Variants in LARGE1 observed in about 807,000 individuals in gnomAD.
The protein encoded by LARGE1 is xylosyl- and glucuronyltransferase LARGE1.
LARGE1 carries 43 observed loss-of-function variants against 87.6 expected under a neutral mutation model. That is an observed-to-expected ratio of 0.49 (90% confidence interval 0.38 to 0.63). The LOEUF (loss-of-function observed/expected upper bound fraction) is 0.63. Ranked by LOEUF, LARGE1 falls within the 30% of genes least tolerant of loss-of-function variation. The pLI is 0.00. For missense variants in LARGE1, 802 were observed against 1,000.2 expected (o/e 0.80, Z 2.67); for synonymous variants, 434 against 394.6 (o/e 1.10, Z -1.18).
chr22:33,908,423 A>G (rs2065521254), intron 1 of LARGE1, among the ~76,000 whole-genome samples: 1 of 152,088 alleles, frequency 6.6e-6, no homozygotes, highest in Admixed American at 6.5e-5. Context: ...TCCCAGGCAG[A>G]TAAAGAAGGA....
At chr22:33,911,098 G>C (rs1284981800) in intron 1 of LARGE1, among the ~76,000 whole-genome samples, 2 of 152,202 alleles carry the variant, frequency 1.3e-5, no homozygotes, top group African/African-American at 2.4e-5. Flanking sequence ...GAATGAGAGA[G>C]TGCCTGGCAC....
intron 7 of LARGE1, among the ~76,000 whole-genome samples, chr22:33,410,576 C>A (rs953716921): frequency 6.6e-6 from 1 of 152,070 alleles, no homozygotes; most frequent in African/African-American, 2.4e-5. Context: ...CCTTCATCTC[C>A]CACCATGATT....
At chr22:33,750,361 C>G (rs2084266323) in intron 2 of LARGE1, among the ~76,000 whole-genome samples, 1 of 152,142 alleles carries the variant, frequency 6.6e-6, no homozygotes. Flanking sequence ...ATCATGACTT[C>G]TTATGTGCAA....
the LARGE1 span, among the ~76,000 whole-genome samples, chr22:33,148,423 C>T: frequency 7.3e-3 from 1,105 of 152,184 alleles, 9 homozygotes; most frequent in African/African-American, 0.023. Context: ...TTTTTTGTTG[C>T]TCAATAGTAG....
At chr22:33,585,556 G>C (rs1258624027) in intron 5 of LARGE1, among the ~76,000 whole-genome samples, 1 of 152,104 alleles carries the variant, frequency 6.6e-6, no homozygotes, top group Non-Finnish European at 1.5e-5. Context: ...CCCATCTACA[G>C]TCCTGTAGGC....
intron 9 of LARGE1, among the ~76,000 whole-genome samples, chr22:33,341,778 G>T (rs1939174204): frequency 6.6e-6 from 1 of 152,208 alleles, no homozygotes; most frequent in Admixed American, 6.5e-5. Context: ...CTTGGAACCT[G>T]TTTCCTCAAG....
chr22:33,847,322 TAC>T (rs2063463571), intron 1 of LARGE1, among the ~76,000 whole-genome samples: 1 of 152,232 alleles, frequency 6.6e-6, no homozygotes, highest in Admixed American at 6.5e-5. Flanking sequence ...CTGATTATTT[TAC>T]AGTGTCTTAT....
intron 11 of LARGE1, among the ~76,000 whole-genome samples, chr22:33,210,897 C>T (rs1019517198): frequency 6.6e-6 from 1 of 152,240 alleles, no homozygotes; most frequent in African/African-American, 2.4e-5. Flanking sequence ...TTGGCTCTGG[C>T]TGCCGTAACA....
At chr22:33,305,819 A>C (rs975520134) in intron 11 of LARGE1, among the ~76,000 whole-genome samples, 6 of 150,270 alleles carry the variant, frequency 4.0e-5, no homozygotes, top group Non-Finnish European at 8.9e-5. Context: ...AACCAAATTG[A>C]CCAGAAACAT....
At chr22:33,891,641 C>T (rs2065009813) in intron 1 of LARGE1, among the ~76,000 whole-genome samples, 1 of 152,152 alleles carries the variant, frequency 6.6e-6, no homozygotes, top group Non-Finnish European at 1.5e-5. Context: ...GAGATCATAC[C>T]TATAAAATGC....
At chr22:33,265,689 G>A (rs1264411853) in intron 11 of LARGE1, among the ~76,000 whole-genome samples, 1 of 151,940 alleles carries the variant, frequency 6.6e-6, no homozygotes, top group Non-Finnish European at 1.5e-5. Context: ...TGGCACAGCT[G>A]TTGGACCCCC....
intron 1 of LARGE1, among the ~76,000 whole-genome samples, chr22:33,776,858 C>A (rs1179411446): frequency 1.3e-5 from 2 of 152,132 alleles, no homozygotes; most frequent in Non-Finnish European, 2.9e-5. Flanking sequence ...CTTTTCTCTA[C>A]GCTTTGCCAT....
At chr22:33,693,428 G>T (rs1289471711) in intron 2 of LARGE1, among the ~76,000 whole-genome samples, 1 of 152,002 alleles carries the variant, frequency 6.6e-6, no homozygotes, top group Non-Finnish European at 1.5e-5. Flanking sequence ...AAAGAGGGAG[G>T]GAGTGAGGGA....
At chr22:33,270,329 C>T (rs903031160), downstream of LARGE1, among the ~76,000 whole-genome samples, 19 of 151,764 alleles carry the variant, frequency 1.3e-4, no homozygotes, top group African/African-American at 2.7e-4. Context: ...ATGAGGAAAA[C>T]GAAGTATATG....
chr22:33,337,508 G>T (rs935275537), intron 10 of LARGE1, 138 bp downstream of exon 10: 21 of 956,340 alleles, frequency 2.2e-5, no homozygotes, highest in Non-Finnish European at 2.9e-5. Context: ...CCGACTAGAT[G>T]GTGGACCCTG....
chr22:33,171,014 T>C (rs1922542700), intron 11 of LARGE1, among the ~76,000 whole-genome samples: 1 of 152,156 alleles, frequency 6.6e-6, no homozygotes, highest in South Asian at 2.1e-4. Context: ...TGAGGTGGTC[T>C]CAGATGGAGA....
At chr22:33,283,596 G>A (rs1315644412) in intron 12 of LARGE1, among the ~76,000 whole-genome samples, 1 of 152,148 alleles carries the variant, frequency 6.6e-6, no homozygotes, top group Non-Finnish European at 1.5e-5. Context: ...CCAACAAGGT[G>A]AAACCCCGTT....
intron 3 of LARGE1, among the ~76,000 whole-genome samples, chr22:33,640,277 G>A (rs1443807494): frequency 6.6e-6 from 1 of 152,188 alleles, no homozygotes; most frequent in East Asian, 1.9e-4. Flanking sequence ...AGCACCTTGT[G>A]GAGAGTGTGC....
At chr22:33,580,735 G>T (rs956981118) in intron 5 of LARGE1, among the ~76,000 whole-genome samples, 6 of 152,196 alleles carry the variant, frequency 3.9e-5, no homozygotes, top group African/African-American at 1.4e-4. Flanking sequence ...GGATGAGAAA[G>T]GGGAGTTTCA....
Sources: gnomAD v4.1 joint callset for allele counts (sites outside exome capture counted in the v4.1 genomes callset) on GRCh38, gnomAD v4.1.1 for gene constraint, MANE v1.5 for transcripts, NCBI Gene and HGNC (gene_info 2026-07-23, HGNC 2026-07-21) for gene names.